Variants in ZNRF3 observed in about 807,000 individuals in gnomAD.
ZNRF3 encodes zinc and ring finger 3.
Under a neutral mutation model 72.5 loss-of-function variants are expected in ZNRF3, and 23 were observed. The ratio of observed to expected loss-of-function variants is 0.32; its 90% CI spans 0.23 to 0.45. The LOEUF is 0.45. Among genes scored for constraint, ZNRF3 ranks in the 20% least tolerant of loss-of-function variants. ZNRF3 has a pLI of 1.00. For synonymous variants in ZNRF3, 610 were observed against 545.3 expected (o/e 1.12, Z -1.65); for missense variants, 1,169 against 1,272.1 (o/e 0.92, Z 1.23).
At chr22:29,052,369 A>G (rs1226841777) in intron 8 of ZNRF3, among the ~76,000 whole-genome samples, 3 of 151,606 alleles carry the variant, frequency 2.0e-5, no homozygotes, top group African/African-American at 7.3e-5. Flanking sequence ...GTGCTAGAAA[A>G]CCCTTCAATG....
intron 2 of ZNRF3, among the ~76,000 whole-genome samples, chr22:28,999,618 G>C (rs972452349): frequency 6.6e-6 from 1 of 152,190 alleles, no homozygotes; most frequent in African/African-American, 2.4e-5. Context: ...TTCTCAAATA[G>C]AGAGGCCTCA....
chr22:28,890,854 C>T (rs538024320), intron 1 of ZNRF3, among the ~76,000 whole-genome samples: 2 of 152,002 alleles, frequency 1.3e-5, no homozygotes, highest in South Asian at 4.2e-4. Flanking sequence ...GACTCCTGGG[C>T]TCAGGCAGTT....
At chr22:28,935,865 A>C (rs947071465) in intron 1 of ZNRF3, among the ~76,000 whole-genome samples, 12 of 152,150 alleles carry the variant, frequency 7.9e-5, no homozygotes, top group African/African-American at 2.2e-4. Flanking sequence ...ACTAACTCAG[A>C]GGGTGGGGAG....
At chr22:28,913,172 C>T (rs1169729026) in intron 1 of ZNRF3, among the ~76,000 whole-genome samples, 2 of 152,204 alleles carry the variant, frequency 1.3e-5, no homozygotes, top group Non-Finnish European at 2.9e-5. Flanking sequence ...CAGTCCTGCA[C>T]AATGTTCTGT....
chr22:29,038,735 A>G (rs2036907594), intron 2 of ZNRF3, among the ~76,000 whole-genome samples: 1 of 152,104 alleles, frequency 6.6e-6, no homozygotes, highest in Non-Finnish European at 1.5e-5. Context: ...TCTGACAGGC[A>G]AGTTCCCTTT....
intron 1 of ZNRF3, among the ~76,000 whole-genome samples, chr22:28,958,182 C>T (rs1026377899): frequency 5.3e-5 from 8 of 152,128 alleles, no homozygotes; most frequent in Non-Finnish European, 7.4e-5. Flanking sequence ...AGCGAGACTC[C>T]GTCTCAAAAG....
intron 2 of ZNRF3, among the ~76,000 whole-genome samples, chr22:29,006,222 T>TTTC (rs1442520095): frequency 6.7e-6 from 1 of 149,346 alleles, no homozygotes; most frequent in Non-Finnish European, 1.5e-5. Context: ...TCTTTTTTTT[T>TTTC]TTTTTTTTTT....
intron 8 of ZNRF3, among the ~76,000 whole-genome samples, chr22:29,052,655 C>T (rs8138950): frequency 0.56 from 83,733 of 149,866 alleles, 23,716 homozygotes; most frequent in African/African-American, 0.64. Flanking sequence ...ATCGCCCCAT[C>T]GTACTCCAGC....
intron 1 of ZNRF3, among the ~76,000 whole-genome samples, chr22:28,926,156 CTT>C (rs1451040549): frequency 1.3e-5 from 2 of 152,222 alleles, no homozygotes; most frequent in African/African-American, 4.8e-5. Context: ...TTGTCCCTCT[CTT>C]TGCCTTCTAG....
intron 2 of ZNRF3, among the ~76,000 whole-genome samples, chr22:28,988,834 C>G (rs1193626273): frequency 6.6e-6 from 1 of 152,116 alleles, no homozygotes; most frequent in Non-Finnish European, 1.5e-5. Context: ...TGGTGGGGCT[C>G]CATCTTTGTG....
At position 28,990,466 on chromosome 22, in the gene ZNRF3, C is replaced by G. The variant is rs1406532557; in HGVS notation, c.426+3265C>G. ...TTGGGAGGCCGTGCCGGGCAGATCACTTGAGGCCAGGAGTTTGAAACCAGC... is the reference window on the plus strand; with the variant it reads ...TTGGGAGGCCGTGCCGGGCAGATCAGTTGAGGCCAGGAGTTTGAAACCAGC... On this transcript the variant is annotated intron_variant, in intron 2 of 8. Transcript: ENST00000544604. Among the ~76,000 whole-genome samples, 3 of 152,272 alleles carry G rather than the reference C, an allele frequency of 2.0e-5. No individual in the cohort carries two copies. The East Asian group carries it at 5.8e-4, about 29-fold the overall frequency.
chr22:29,045,176 C>T (rs1569294384), intron 5 of ZNRF3, among the ~76,000 whole-genome samples: 1 of 152,036 alleles, frequency 6.6e-6, no homozygotes, highest in Non-Finnish European at 1.5e-5. Context: ...GCCTAGTCAA[C>T]ATGGCAAAAC....
At chr22:28,895,907 C>G (rs973616583) in intron 1 of ZNRF3, among the ~76,000 whole-genome samples, 3 of 152,108 alleles carry the variant, frequency 2.0e-5, no homozygotes, top group African/African-American at 7.2e-5. Flanking sequence ...AGTTCATCCT[C>G]TCATTTGGGA....
chr22:28,932,731 A>C (rs1014199118), intron 1 of ZNRF3, among the ~76,000 whole-genome samples: 2 of 152,184 alleles, frequency 1.3e-5, no homozygotes, highest in South Asian at 4.1e-4. Flanking sequence ...GTTACTGGCC[A>C]TGGTTGGCTC....
Position 28,884,074 on chromosome 22 carries a change from C to T in ZNRF3, c.300+8C>T. ...GAGGGCGAGATCGTGCAGGTAGCTG[C>T]CCGCCGCCCGGGCCCCGCGCCGCCT... On this transcript the variant is annotated splice_region_variant and intron_variant, in intron 1 of 8. Transcript: ENST00000544604. 2 of 1,223,876 alleles carry T rather than the reference C, an allele frequency of 1.6e-6. No individual in the cohort carries two copies. The highest frequency in any genetic ancestry group is 2.1e-6 in the Non-Finnish European group (2 of 965,464). The allele number at this position is 1,223,876 out of a possible 1,614,324, so 75.8% of individuals were successfully genotyped here. A position where few individuals can be genotyped will look rare whatever the true frequency, so the allele number is the denominator to read the frequency against.
At chr22:28,906,956 C>T (rs1014174750) in intron 1 of ZNRF3, among the ~76,000 whole-genome samples, 4 of 151,666 alleles carry the variant, frequency 2.6e-5, no homozygotes, top group African/African-American at 4.8e-5. Context: ...AAGATTTTCA[C>T]GGAGTCATTT....
intron 1 of ZNRF3, among the ~76,000 whole-genome samples, chr22:28,889,320 GTTACAACTT>G (rs2033846069): frequency 6.6e-6 from 1 of 152,170 alleles, no homozygotes; most frequent in Non-Finnish European, 1.5e-5. Flanking sequence ...TCTATGGGCA[GTTACAACTT>G]TGCCTCTTCC....
Position 29,049,444 on chromosome 22 carries a change from C to A in ZNRF3, c.1263C>A (p.Pro421=). 3 of 1,605,922 alleles carry A rather than the reference C, an allele frequency of 1.9e-6. No individual in the cohort carries two copies. Among genetic ancestry groups the A allele is most frequent in the Non-Finnish European group, 2.5e-6 (3 of 1,179,586 alleles). The change falls in exon 8 of 9, where the codon CCC becomes CCA. Residue 421 remains proline (P), a synonymous_variant. Coordinates refer to ENST00000544604, the MANE Select transcript of ZNRF3 (RefSeq NM_001206998.2). This position sits in a 1 kb window ranked among gnomAD's most constrained non-coding sequence, Gnocchi z 5.2. ...CCGCCTACATCCGCAGCTACCCACC[C>A]CTCCACCTGGACCACAGCCTGGCCG... ...QTPAYIRSYP[P]LHLDHSLAAH...
Position 29,049,059 on chromosome 22 carries a change from G to A in ZNRF3, c.1016-138G>A. Reference sequence around the variant, plus strand: ...CCTCTGCCGCTGCAGCTCAGTTTGGGGGCAGGGTTGTGAGAATGGGTACCT... The same window carrying A: ...CCTCTGCCGCTGCAGCTCAGTTTGGAGGCAGGGTTGTGAGAATGGGTACCT... On this transcript the variant is annotated intron_variant, in intron 7 of 8. Coordinates refer to ENST00000544604, the MANE Select transcript of ZNRF3 (RefSeq NM_001206998.2). This position sits in a 1 kb window ranked among gnomAD's most constrained non-coding sequence, Gnocchi z 5.2. 1.0e-6 allele frequency: 1 copy of A among 976,610 alleles called. No individual in the cohort carries two copies. The highest frequency in any genetic ancestry group is 1.5e-6 in the Non-Finnish European group (1 of 656,118). The allele number at this position is 976,610 out of a possible 1,614,324, so 60.5% of individuals were successfully genotyped here. A position where few individuals can be genotyped will look rare whatever the true frequency, so the allele number is the denominator to read the frequency against.
Sources: allele counts gnomAD v4.1 joint callset (sites outside exome capture counted in the v4.1 genomes callset), GRCh38; gene constraint gnomAD v4.1.1; non-coding constraint Gnocchi (gnomAD v3.1); transcripts MANE v1.5; gene names NCBI Gene and HGNC (gene_info 2026-07-23, HGNC 2026-07-21).